Variants in FNBP1L observed in about 807,000 individuals in gnomAD.
FNBP1L encodes the protein formin binding protein 1 like, also known as formin-binding protein 1-like.
A neutral mutation model predicts 91.2 loss-of-function variants in FNBP1L; 36 were observed. That is an observed-to-expected ratio of 0.39 (90% CI 0.30 to 0.52). The LOEUF (loss-of-function observed/expected upper bound fraction) is 0.52. Among genes scored for constraint, FNBP1L ranks in the 20% least tolerant of loss-of-function variants. The pLI is 0.66. For synonymous variants in FNBP1L, 242 were observed against 237.0 expected (o/e 1.02, Z -0.19); for missense variants, 571 against 732.1 (o/e 0.78, Z 2.54).
intron 10 of FNBP1L, among the ~76,000 whole-genome samples, chr1:93,540,232 A>G (rs1051911430): frequency 2.6e-5 from 4 of 152,290 alleles, no homozygotes; most frequent in South Asian, 4.2e-4. Flanking sequence ...TTGTTGTACA[A>G]GAGCACTATG....
At chr1:93,452,805 C>T (rs1441258407) in intron 1 of FNBP1L, among the ~76,000 whole-genome samples, 2 of 152,038 alleles carry the variant, frequency 1.3e-5, no homozygotes, top group Non-Finnish European at 2.9e-5. Context: ...ATTGCTTCTC[C>T]AAAAGTAAAT....
chr1:93,525,636 T>C (rs1378518123), intron 5 of FNBP1L, among the ~76,000 whole-genome samples: 3 of 152,196 alleles, frequency 2.0e-5, no homozygotes, highest in Non-Finnish European at 4.4e-5. Context: ...GCACAAATTA[T>C]TCTTAATAGG....
intron 6 of FNBP1L, among the ~76,000 whole-genome samples, 151 bp downstream of exon 6, chr1:93,529,907 T>G (rs1267432502): frequency 2.6e-5 from 4 of 152,258 alleles, no homozygotes; most frequent in South Asian, 4.1e-4. Context: ...CAACTTTAAA[T>G]TATACGTATT....
intron 1 of FNBP1L, among the ~76,000 whole-genome samples, chr1:93,494,874 G>A (rs765279574): frequency 6.6e-6 from 1 of 152,184 alleles, no homozygotes; most frequent in Non-Finnish European, 1.5e-5. Flanking sequence ...AGGCAAGAGA[G>A]CATTGGCATT....
At chr1:93,459,941 A>G (rs926231485) in intron 1 of FNBP1L, among the ~76,000 whole-genome samples, 115 of 142,276 alleles carry the variant, frequency 8.1e-4, no homozygotes, top group African/African-American at 1.6e-3. Flanking sequence ...TGGATTTCAG[A>G]TGTGTGTGTG....
intron 2 of FNBP1L, among the ~76,000 whole-genome samples, chr1:93,510,378 C>T (rs1224773681): frequency 4.6e-5 from 7 of 151,292 alleles, no homozygotes; most frequent in African/African-American, 1.2e-4. Context: ...GGTACTCCAA[C>T]AGACCTGCAG....
At chr1:93,490,218 C>G (rs1264082384) in intron 1 of FNBP1L, among the ~76,000 whole-genome samples, 1 of 152,044 alleles carries the variant, frequency 6.6e-6, no homozygotes, top group African/African-American at 2.4e-5. Flanking sequence ...AGCAAGAAGA[C>G]TGAGTAAACA....
intron 2 of FNBP1L, among the ~76,000 whole-genome samples, chr1:93,502,982 C>T (rs1014130612): frequency 2.0e-5 from 3 of 152,156 alleles, no homozygotes; most frequent in African/African-American, 7.2e-5. Flanking sequence ...TTTGTTTCCT[C>T]CTCTTTAATG....
At chr1:93,507,135 TCTCTCTCTCTC>T (rs1450690942) in intron 2 of FNBP1L, among the ~76,000 whole-genome samples, 6 of 148,604 alleles carry the variant, frequency 4.0e-5, no homozygotes, top group African/African-American at 1.5e-4. Flanking sequence ...TCTCTCTCTC[TCTCTCTCTCTC>T]TCTCTTTCTC....
intron 6 of FNBP1L, among the ~76,000 whole-genome samples, 200 bp downstream of exon 6, chr1:93,529,956 C>T (rs183130576): frequency 2.0e-5 from 3 of 152,180 alleles, no homozygotes; most frequent in African/African-American, 7.2e-5. Context: ...ATTACAATAT[C>T]TTAGCTGCAT....
At chr1:93,521,489 G>A (rs1671326764) in intron 2 of FNBP1L, among the ~76,000 whole-genome samples, 1 of 152,118 alleles carries the variant, frequency 6.6e-6, no homozygotes, top group African/African-American at 2.4e-5. Flanking sequence ...AGGGGGATTG[G>A]TTCCCAGACC....
chr1:93,520,855 A>T (rs1199722000), intron 2 of FNBP1L, among the ~76,000 whole-genome samples: 1 of 152,154 alleles, frequency 6.6e-6, no homozygotes, highest in African/African-American at 2.4e-5. Context: ...CAGCCTGGCC[A>T]ATGTGGTGAA....
intron 1 of FNBP1L, among the ~76,000 whole-genome samples, chr1:93,462,800 A>G (rs1346722274): frequency 6.6e-6 from 1 of 152,126 alleles, no homozygotes; most frequent in Non-Finnish European, 1.5e-5. Flanking sequence ...AGTGTTTATC[A>G]GATTTTTCCA....
chr1:93,483,109 C>T (rs1157615240), intron 1 of FNBP1L, among the ~76,000 whole-genome samples: 1 of 148,958 alleles, frequency 6.7e-6, no homozygotes, highest in African/African-American at 2.5e-5. Context: ...ACCACTTCAG[C>T]CCAGAAAGGT....
intron 1 of FNBP1L, among the ~76,000 whole-genome samples, chr1:93,486,884 A>G (rs1165268392): frequency 6.6e-6 from 1 of 152,218 alleles, no homozygotes; most frequent in Non-Finnish European, 1.5e-5. Flanking sequence ...CATTAGCAAG[A>G]AAATCATATT....
At chr1:93,489,668 T>C (rs939302405) in intron 1 of FNBP1L, among the ~76,000 whole-genome samples, 7 of 151,828 alleles carry the variant, frequency 4.6e-5, no homozygotes, top group Non-Finnish European at 1.0e-4. Context: ...CTTGGAGGAG[T>C]TTCCCAAATA....
chr1:93,520,413 C>T (rs1010712191), intron 2 of FNBP1L, among the ~76,000 whole-genome samples: 2 of 152,030 alleles, frequency 1.3e-5, no homozygotes, highest in Non-Finnish European at 2.9e-5. Flanking sequence ...TTTTAGTTTC[C>T]AATCCATTGT....
chr1:93,475,422 C>T, intron 1 of FNBP1L, among the ~76,000 whole-genome samples: 1 of 151,692 alleles, frequency 6.6e-6, no homozygotes, highest in Non-Finnish European at 1.5e-5. Flanking sequence ...GCCTGTGGTC[C>T]CAGCTATTTG....
intron 10 of FNBP1L, among the ~76,000 whole-genome samples, chr1:93,540,642 A>T (rs237439): frequency 3.3e-5 from 5 of 151,916 alleles, no homozygotes; most frequent in African/African-American, 1.2e-4. Flanking sequence ...AATATTTCAC[A>T]TAAGATTTCT....
Sources: allele counts gnomAD v4.1 joint callset (sites outside exome capture counted in the v4.1 genomes callset), GRCh38; gene constraint gnomAD v4.1.1; transcripts MANE v1.5; gene names NCBI Gene and HGNC (gene_info 2026-07-23, HGNC 2026-07-21).